SIPA1L1: variants seen among roughly 807,000 people sequenced by gnomAD.
SIPA1L1 encodes the protein signal induced proliferation associated 1 like 1.
SIPA1L1 carries 26 observed loss-of-function variants against 162.7 expected under a neutral mutation model. The observed-to-expected ratio is 0.16, with a 90% CI of 0.12 to 0.22. The LOEUF (loss-of-function observed/expected upper bound fraction) is 0.22. Ranked by LOEUF, SIPA1L1 falls within the 10% of genes least tolerant of loss-of-function variation. SIPA1L1 has a pLI of 1.00. For synonymous variants in SIPA1L1, 829 were observed against 837.4 expected (o/e 0.99, Z 0.17); for missense variants, 1,874 against 2,241.0 (o/e 0.84, Z 3.31).
At chr14:71,345,514 T>A (rs2036066129) in intron 2 of SIPA1L1, among the ~76,000 whole-genome samples, 1 of 152,074 alleles carries the variant, frequency 6.6e-6, no homozygotes. Context: ...CTGTATTTGC[T>A]TCATTAGACC....
chr14:71,712,312 G>A (rs973155028), intron 17 of SIPA1L1, among the ~76,000 whole-genome samples: 8 of 152,026 alleles, frequency 5.3e-5, no homozygotes, highest in Admixed American at 2.0e-4. Context: ...ATACAGGTTG[G>A]TAATTACATA....
At chr14:71,682,795 T>C (rs1042478338) in intron 12 of SIPA1L1, among the ~76,000 whole-genome samples, 1 of 152,256 alleles carries the variant, frequency 6.6e-6, no homozygotes, top group African/African-American at 2.4e-5. Flanking sequence ...TTATTGTGTC[T>C]GTTACCATTA....
chr14:71,705,394 T>C, intron 16 of SIPA1L1, 54 bp downstream of exon 16: 1 of 1,263,894 alleles, frequency 7.9e-7, no homozygotes, highest in South Asian at 1.2e-5. Flanking sequence ...TGTACCTTCC[T>C]TGCACTATGA....
chr14:71,691,770 C>G (rs2081272806), intron 13 of SIPA1L1, among the ~76,000 whole-genome samples: 1 of 152,154 alleles, frequency 6.6e-6, no homozygotes, highest in Non-Finnish European at 1.5e-5. Flanking sequence ...CTGCTGAAGT[C>G]TTGCCATGCC....
intron 17 of SIPA1L1, among the ~76,000 whole-genome samples, chr14:71,720,237 G>A (rs539483182): frequency 6.6e-6 from 1 of 152,040 alleles, no homozygotes; most frequent in African/African-American, 2.4e-5. Context: ...TTTGTGCCCC[G>A]ATCTCCTTCT....
At chr14:71,735,946 A>C in intron 22 of SIPA1L1, among the ~76,000 whole-genome samples, 1 of 152,198 alleles carries the variant, frequency 6.6e-6, no homozygotes, top group African/African-American at 2.4e-5. Flanking sequence ...GCAGAGACCG[A>C]CTTTTCTGTT....
At chr14:71,545,394 T>C (rs1243978770) in intron 4 of SIPA1L1, among the ~76,000 whole-genome samples, 3 of 152,214 alleles carry the variant, frequency 2.0e-5, no homozygotes, top group African/African-American at 7.2e-5. Context: ...AATATAGATG[T>C]TTTGTACATC....
intron 5 of SIPA1L1, among the ~76,000 whole-genome samples, chr14:71,601,954 T>C (rs942179795): frequency 6.6e-6 from 1 of 152,068 alleles, no homozygotes; most frequent in African/African-American, 2.4e-5. Flanking sequence ...CTCCCTTTTT[T>C]TTTCTTGGTT....
chr14:71,710,525 AGGCTG>A (rs532722109), intron 17 of SIPA1L1, among the ~76,000 whole-genome samples: 1 of 152,294 alleles, frequency 6.6e-6, no homozygotes, highest in East Asian at 1.9e-4. Flanking sequence ...AAAATAGTAG[AGGCTG>A]GGCGTGGTGG....
At chr14:71,692,780 G>A (rs571339833) in intron 13 of SIPA1L1, among the ~76,000 whole-genome samples, 1 of 152,150 alleles carries the variant, frequency 6.6e-6, no homozygotes, top group Admixed American at 6.5e-5. Flanking sequence ...TAGCTATTCT[G>A]CACTCACCCT....
At chr14:71,619,891 G>C (rs1418855960) in intron 6 of SIPA1L1, among the ~76,000 whole-genome samples, 1 of 152,072 alleles carries the variant, frequency 6.6e-6, no homozygotes, top group Admixed American at 6.6e-5. Flanking sequence ...GTCTACACTG[G>C]CCAGAGAGAA....
At chr14:71,717,404 A>G (rs2083355519) in intron 17 of SIPA1L1, among the ~76,000 whole-genome samples, 1 of 152,198 alleles carries the variant, frequency 6.6e-6, no homozygotes, top group African/African-American at 2.4e-5. Flanking sequence ...ATTTGGCCAT[A>G]CTCAGTTAAA....
chr14:71,683,190 A>G (rs1425738133), intron 12 of SIPA1L1, among the ~76,000 whole-genome samples: 1 of 152,232 alleles, frequency 6.6e-6, no homozygotes, highest in Non-Finnish European at 1.5e-5. Flanking sequence ...GTATTAAAAT[A>G]GAAGCTTAGC....
At chr14:71,700,125 T>C (rs1262968604) in intron 14 of SIPA1L1, among the ~76,000 whole-genome samples, 1 of 151,812 alleles carries the variant, frequency 6.6e-6, no homozygotes, top group Non-Finnish European at 1.5e-5. Context: ...GAAAATGTTT[T>C]CCAAAGCAGA....
chr14:71,412,133 G>A (rs567138364), intron 2 of SIPA1L1, among the ~76,000 whole-genome samples: 1 of 152,164 alleles, frequency 6.6e-6, no homozygotes, highest in African/African-American at 2.4e-5. Flanking sequence ...CAAGCTGCAG[G>A]CCAGTTGTGT....
intron 2 of SIPA1L1, among the ~76,000 whole-genome samples, chr14:71,471,797 T>C (rs370496477): frequency 6.6e-6 from 1 of 152,220 alleles, no homozygotes; most frequent in African/African-American, 2.4e-5. Context: ...AGATGTTATC[T>C]AGAGTTTTAC....
chr14:71,347,118 A>ATT (rs34836765), intron 2 of SIPA1L1, among the ~76,000 whole-genome samples: 16 of 143,774 alleles, frequency 1.1e-4, no homozygotes, highest in South Asian at 2.2e-4. Context: ...CGTCTGGGTA[A>ATT]TTTTTTTTTT....
chr14:71,389,556 TTAGACA>T (rs2040589722), intron 2 of SIPA1L1, among the ~76,000 whole-genome samples: 1 of 152,250 alleles, frequency 6.6e-6, no homozygotes, highest in Admixed American at 6.5e-5. Context: ...TTGTGTAGTC[TTAGACA>T]TAGAAAGGCA....
intron 2 of SIPA1L1, among the ~76,000 whole-genome samples, chr14:71,384,075 G>GT (rs1419464077): frequency 3.3e-5 from 5 of 151,788 alleles, no homozygotes; most frequent in African/African-American, 7.3e-5. Flanking sequence ...TTATGTGCTT[G>GT]TTTTTTTTCT....
Sources: allele counts gnomAD v4.1 joint callset (sites outside exome capture counted in the v4.1 genomes callset), GRCh38; gene constraint gnomAD v4.1.1; transcripts MANE v1.5; gene names NCBI Gene and HGNC (gene_info 2026-07-23, HGNC 2026-07-21).